The following NCAM1 variants were observed in gnomAD, a reference collection of about 807,000 sequenced individuals.
NCAM1 encodes the protein antigen recognized by monoclonal antibody 5.1H11.
NCAM1 carries 14 observed loss-of-function variants against 109.8 expected under a neutral mutation model. That is an observed-to-expected ratio of 0.13 (90% confidence interval 0.08 to 0.20). The LOEUF is 0.20. Among genes scored for constraint, NCAM1 ranks in the 10% least tolerant of loss-of-function variants. The pLI is 1.00. For synonymous variants in NCAM1, 418 were observed against 442.9 expected, an observed-to-expected ratio of 0.94 and a Z score of 0.70; for missense variants, 774 against 1,109.9, an observed-to-expected ratio of 0.70 and a Z score of 4.30.
chr11:113,055,375 A>G (rs1953656915), intron 1 of NCAM1, among the ~76,000 whole-genome samples: 1 of 152,252 alleles, frequency 6.6e-6, no homozygotes, highest in African/African-American at 2.4e-5. Context: ...ATGCAAAAGT[A>G]GAAAATGGTC....
chr11:113,263,018 G>A, intron 17 of NCAM1: 3 of 1,533,398 alleles, frequency 2.0e-6, no homozygotes, highest in South Asian at 2.5e-5. Context: ...GGACCACCAT[G>A]GCCACAGCTG....
intron 7 of NCAM1, among the ~76,000 whole-genome samples, chr11:113,211,803 G>A (rs1294064052): frequency 6.6e-6 from 1 of 152,196 alleles, no homozygotes; most frequent in Admixed American, 6.5e-5. Flanking sequence ...TTTGGCTAGG[G>A]TTGTAGGAGC....
intron 1 of NCAM1, among the ~76,000 whole-genome samples, chr11:112,998,996 A>T (rs1048754134): frequency 5.3e-5 from 8 of 151,786 alleles, no homozygotes; most frequent in Non-Finnish European, 1.0e-4. Context: ...CAAAAACAAG[A>T]CCCCTCCCCC....
At chr11:113,162,885 G>T (rs1177818331) in intron 1 of NCAM1, among the ~76,000 whole-genome samples, 1 of 152,196 alleles carries the variant, frequency 6.6e-6, no homozygotes, top group Admixed American at 6.5e-5. Flanking sequence ...CGAAATGGAC[G>T]TTCAGTTCAT....
chr11:113,189,127 T>C (rs1181933576), intron 1 of NCAM1, among the ~76,000 whole-genome samples: 1 of 152,072 alleles, frequency 6.6e-6, no homozygotes, highest in African/African-American at 2.4e-5. Context: ...TATAAATAAC[T>C]AGAATTTGTC....
Position 113,167,825 on chromosome 11 carries a change from G to A in NCAM1, c.53-34554G>A, listed in dbSNP as rs547147076. ...GACTTTTCTAGAATGGATCCAGTGT[G>A]ACCAGTTTGCTGTGGCTTCATAATA... On this transcript the variant is annotated intron_variant, in intron 1 of 19. Transcript: ENST00000316851. Among the ~76,000 whole-genome samples, 4 of 152,304 alleles carry A rather than the reference G, an allele frequency of 2.6e-5. No individual in the cohort carries two copies. The East Asian group carries it at 7.7e-4, about 29-fold the overall frequency.
chr11:113,263,662 G>T (rs1946068643), intron 17 of NCAM1: 6 of 985,582 alleles, frequency 6.1e-6, no homozygotes, highest in Non-Finnish European at 7.2e-6. Context: ...AAAGGTGTTT[G>T]TCTCCCAATC....
chr11:113,259,590 A>C (rs554400579), intron 16 of NCAM1, among the ~76,000 whole-genome samples: 1 of 152,110 alleles, frequency 6.6e-6, no homozygotes, highest in Non-Finnish European at 1.5e-5. Context: ...TGTTGGCCCA[A>C]TGCCACACTG....
rs116209708 is a variant in NCAM1 at position 113,165,558 on chromosome 11, G to A, written c.53-36821G>A. Among the ~76,000 whole-genome samples, 749 of 152,262 alleles carry A rather than the reference G, an allele frequency of 4.9e-3. 3 individuals are homozygous for A. Among genetic ancestry groups the A allele is most frequent in the African/African-American group, 0.017 (713 of 41,546 alleles). ...GTTTAAACCTTTGAGACATCTGGTC[G>A]TAGCTGGGATCTATATAGCCTTTGC... On this transcript the variant is annotated intron_variant, in intron 1 of 19. Coordinates refer to ENST00000316851, the MANE Select transcript of NCAM1 (RefSeq NM_181351.5).
chr11:113,117,456 C>A (rs1555095114), intron 1 of NCAM1, among the ~76,000 whole-genome samples: 1 of 151,906 alleles, frequency 6.6e-6, no homozygotes, highest in African/African-American at 2.4e-5. Context: ...ACCTTCCCGT[C>A]CCCCACTAAT....
At chr11:112,989,946 G>A (rs1951413031) in intron 1 of NCAM1, among the ~76,000 whole-genome samples, 1 of 152,132 alleles carries the variant, frequency 6.6e-6, no homozygotes, top group African/African-American at 2.4e-5. Flanking sequence ...ATCCACAATT[G>A]TCCTGTCAGC....
intron 17 of NCAM1, among the ~76,000 whole-genome samples, chr11:113,260,985 A>G (rs782282022): frequency 2.6e-5 from 4 of 152,150 alleles, no homozygotes; most frequent in Non-Finnish European, 5.9e-5. Context: ...GTCTCCAGGG[A>G]TCCAAGACCT....
chr11:113,009,587 A>C (rs1591242404), intron 1 of NCAM1, among the ~76,000 whole-genome samples: 1 of 152,236 alleles, frequency 6.6e-6, no homozygotes, highest in East Asian at 1.9e-4. Flanking sequence ...GAGCACATCT[A>C]GCCATCCAGT....
intron 1 of NCAM1, among the ~76,000 whole-genome samples, chr11:113,019,343 C>T (rs1591253118): frequency 1.3e-5 from 2 of 152,162 alleles, no homozygotes; most frequent in Admixed American, 6.5e-5. Flanking sequence ...TTAGGGACGT[C>T]GCTTTACCTT....
intron 7 of NCAM1, among the ~76,000 whole-genome samples, chr11:113,210,614 G>A (rs1281000096): frequency 6.6e-6 from 1 of 152,080 alleles, no homozygotes; most frequent in Non-Finnish European, 1.5e-5. Flanking sequence ...CTCTCTGGTG[G>A]TGATGGCTGC....
intron 1 of NCAM1, among the ~76,000 whole-genome samples, chr11:112,975,186 C>G (rs1950975896): frequency 6.6e-6 from 1 of 151,944 alleles, no homozygotes; most frequent in African/African-American, 2.4e-5. Flanking sequence ...TCCAAGGTGG[C>G]CTGAGATTCC....
intron 1 of NCAM1, among the ~76,000 whole-genome samples, chr11:113,182,769 G>C (rs782144838): frequency 1.3e-5 from 2 of 152,176 alleles, no homozygotes; most frequent in Non-Finnish European, 2.9e-5. Flanking sequence ...CCCGACTGGG[G>C]AGCGGGGCTG....
chr11:113,200,073 T>C (rs1356161584), intron 1 of NCAM1, among the ~76,000 whole-genome samples: 1 of 152,146 alleles, frequency 6.6e-6, no homozygotes, highest in East Asian at 1.9e-4. Context: ...AGAATATCCT[T>C]CTCAAAGCAG....
chr11:113,204,174 C>A (rs192623909), intron 2 of NCAM1, 112 bp from the exon 3 acceptor site: 2 of 872,746 alleles, frequency 2.3e-6, no homozygotes, highest in East Asian at 2.6e-5. Context: ...GATGTTCAAG[C>A]CTTGACTGAT....
Sources: gnomAD v4.1 joint callset for allele counts (sites outside exome capture counted in the v4.1 genomes callset) on GRCh38, gnomAD v4.1.1 for gene constraint, MANE v1.5 for transcripts, NCBI Gene and HGNC (gene_info 2026-07-23, HGNC 2026-07-21) for gene names.